Variants in RNF150 observed in about 807,000 individuals in gnomAD.
The protein encoded by RNF150 is ring finger protein 150.
Under a neutral mutation model 39.3 loss-of-function variants are expected in RNF150, and 24 were observed. The ratio of observed to expected loss-of-function variants is 0.61; its 90% CI spans 0.44 to 0.86. The LOEUF (loss-of-function observed/expected upper bound fraction) is 0.86, where lower values mean the gene tolerates loss of function less well. Among genes scored for constraint, RNF150 ranks in the 40% least tolerant of loss-of-function variants. RNF150 has a pLI of 0.00. For missense variants in RNF150, 502 were observed against 587.8 expected (o/e 0.85, Z 1.51); for synonymous variants, 255 against 227.3 (o/e 1.12, Z -1.10).
chr4:140,968,395 T>C (rs1271208450), intron 1 of RNF150, among the ~76,000 whole-genome samples: 1 of 152,010 alleles, frequency 6.6e-6, no homozygotes, highest in African/African-American at 2.4e-5. Flanking sequence ...TTTTCTCCTA[T>C]AGTGAGTACT....
intron 2 of RNF150, among the ~76,000 whole-genome samples, chr4:140,950,041 T>C (rs1414616074): frequency 2.0e-5 from 3 of 152,220 alleles, no homozygotes; most frequent in Non-Finnish European, 4.4e-5. Context: ...TAGAGAAAAT[T>C]ACCATCATAA....
chr4:140,875,820 A>G (rs1729135195), intron 6 of RNF150, among the ~76,000 whole-genome samples: 1 of 151,846 alleles, frequency 6.6e-6, no homozygotes, highest in Non-Finnish European at 1.5e-5. Context: ...TTCCTACTTA[A>G]TTGTTTCTTT....
chr4:141,167,102 G>C (rs943553342), intron 1 of RNF150, among the ~76,000 whole-genome samples: 1 of 152,010 alleles, frequency 6.6e-6, no homozygotes, highest in Non-Finnish European at 1.5e-5. Context: ...AAAGTCTCAG[G>C]ATACAAAATC....
At chr4:141,057,986 C>G (rs1737055935) in intron 1 of RNF150, among the ~76,000 whole-genome samples, 1 of 152,122 alleles carries the variant, frequency 6.6e-6, no homozygotes, top group African/African-American at 2.4e-5. Context: ...GCATTAATAG[C>G]AAGCTACTGT....
chr4:141,144,404 A>T (rs1727168490), intron 1 of RNF150, among the ~76,000 whole-genome samples: 1 of 152,210 alleles, frequency 6.6e-6, no homozygotes, highest in African/African-American at 2.4e-5. Flanking sequence ...ATTAGTCTTT[A>T]ATTTGGCAAT....
intron 1 of RNF150, among the ~76,000 whole-genome samples, chr4:141,087,916 G>T (rs1485310113): frequency 6.6e-6 from 1 of 151,998 alleles, no homozygotes; most frequent in African/African-American, 2.4e-5. Flanking sequence ...ATCCTCTAGC[G>T]AGTCCCAGCA....
intron 1 of RNF150, among the ~76,000 whole-genome samples, chr4:141,119,085 T>G (rs2111081486): frequency 6.6e-6 from 1 of 152,292 alleles, no homozygotes; most frequent in Admixed American, 6.5e-5. Context: ...TTAAATTCAT[T>G]TTGGAGCACA....
intron 4 of RNF150, among the ~76,000 whole-genome samples, chr4:140,931,193 T>A (rs1006107702): frequency 2.0e-5 from 3 of 152,164 alleles, no homozygotes; most frequent in African/African-American, 7.2e-5. Context: ...AGCATTGTAT[T>A]ACATCTTATT....
chr4:140,899,700 TCCAAA>T (rs1464385014), intron 6 of RNF150, among the ~76,000 whole-genome samples: 1 of 152,146 alleles, frequency 6.6e-6, no homozygotes, highest in African/African-American at 2.4e-5. Context: ...CTCAGAATTA[TCCAAA>T]CAAAGTGAAG....
chr4:140,878,432 C>A (rs1242105247), intron 6 of RNF150, among the ~76,000 whole-genome samples: 2 of 152,084 alleles, frequency 1.3e-5, no homozygotes, highest in Non-Finnish European at 2.9e-5. Flanking sequence ...CTTGGCCTCC[C>A]AAAGTGCTGG....
intron 1 of RNF150, among the ~76,000 whole-genome samples, chr4:141,046,458 G>A (rs1472068639): frequency 1.3e-5 from 2 of 152,210 alleles, no homozygotes; most frequent in African/African-American, 4.8e-5. Context: ...GGAGGAAGCT[G>A]CAGAGTAGAC....
At chr4:141,160,451 T>C (rs942730783) in intron 1 of RNF150, among the ~76,000 whole-genome samples, 1 of 152,256 alleles carries the variant, frequency 6.6e-6, no homozygotes, top group African/African-American at 2.4e-5. Context: ...CTTTGCAAAG[T>C]ATCATTGTGA....
intron 1 of RNF150, among the ~76,000 whole-genome samples, chr4:141,127,632 C>T (rs1443470483): frequency 6.6e-6 from 1 of 152,112 alleles, no homozygotes; most frequent in Non-Finnish European, 1.5e-5. Context: ...GTCTAGAATA[C>T]ACAGATATAC....
At chr4:141,096,928 A>G (rs2111024758) in intron 1 of RNF150, among the ~76,000 whole-genome samples, 1 of 152,334 alleles carries the variant, frequency 6.6e-6, no homozygotes, top group African/African-American at 2.4e-5. Flanking sequence ...TTTGTTCACA[A>G]TGGCTGATAA....
At chr4:141,179,187 C>A (rs2111185155) in intron 1 of RNF150, among the ~76,000 whole-genome samples, 1 of 152,228 alleles carries the variant, frequency 6.6e-6, no homozygotes. Flanking sequence ...AGTGTAGCAC[C>A]TGGTCGTTGA....
chr4:140,931,311 C>CAA (rs5862507), intron 4 of RNF150, among the ~76,000 whole-genome samples: 2 of 151,958 alleles, frequency 1.3e-5, no homozygotes, highest in Non-Finnish European at 1.5e-5. Context: ...GAACTAAGGG[C>CAA]AAAAAAGAAA....
At chr4:141,209,588 T>G (rs1167114930) in intron 1 of RNF150, among the ~76,000 whole-genome samples, 1 of 152,210 alleles carries the variant, frequency 6.6e-6, no homozygotes, top group African/African-American at 2.4e-5. Context: ...ACAATTTGTG[T>G]TTTCTTGTCT....
chr4:141,147,306 C>A (rs1727220635), intron 1 of RNF150, among the ~76,000 whole-genome samples: 2 of 152,224 alleles, frequency 1.3e-5, no homozygotes, highest in African/African-American at 4.8e-5. Flanking sequence ...TGGCCTTCAG[C>A]ATGGCCATTC....
At chr4:141,015,781 A>G (rs1735247843) in intron 1 of RNF150, among the ~76,000 whole-genome samples, 1 of 152,166 alleles carries the variant, frequency 6.6e-6, no homozygotes, top group Admixed American at 6.5e-5. Context: ...GCATATTAGA[A>G]GGATGACATG....
Sources: allele counts gnomAD v4.1 joint callset (sites outside exome capture counted in the v4.1 genomes callset), GRCh38; gene constraint gnomAD v4.1.1; transcripts MANE v1.5; gene names NCBI Gene and HGNC (gene_info 2026-07-23, HGNC 2026-07-21).